CARMIL1: variants seen among roughly 807,000 people sequenced by gnomAD.
The protein encoded by CARMIL1 is capping protein regulator and myosin 1 linker 1.
A neutral mutation model predicts 177.1 loss-of-function variants in CARMIL1; 90 were observed. The observed-to-expected ratio is 0.51, with a 90% confidence interval of 0.43 to 0.61. CARMIL1 has a LOEUF of 0.61. Ranked by LOEUF, CARMIL1 falls within the 20% of genes least tolerant of loss-of-function variation. CARMIL1 has a pLI of 0.00. For missense variants in CARMIL1, 1,380 were observed against 1,667.0 expected (o/e 0.83, Z 3.00); for synonymous variants, 577 against 606.2 (o/e 0.95, Z 0.71).
chr6:25,316,932 T>A (rs542041668), intron 2 of CARMIL1, among the ~76,000 whole-genome samples: 1 of 152,300 alleles, frequency 6.6e-6, no homozygotes, highest in East Asian at 1.9e-4. Context: ...TACTTCTGTC[T>A]CAGAGCTGTC....
At chr6:25,383,827 A>G (rs1368293836) in intron 2 of CARMIL1, 1 of 152,134 alleles carries the variant, frequency 6.6e-6, no homozygotes. Flanking sequence ...CTTCCCATCT[A>G]CATTTTATTT....
rs180775231 is a variant in CARMIL1 at position 25,372,884 on chromosome 6, A to G, written c.139-47230A>G. On this transcript the variant is annotated intron_variant, in intron 2 of 36. Coordinates refer to ENST00000329474, the MANE Select transcript of CARMIL1 (RefSeq NM_017640.6). ...GTATGATGTTGGCTGTGAGTCTGTC[A>G]TACATGGCTTTTATTATTTTGAACT... Among the ~76,000 whole-genome samples, 30 of 152,320 alleles carry G rather than the reference A, an allele frequency of 2.0e-4. No individual in the cohort carries two copies. The East Asian group carries it at 5.8e-3, about 29-fold the overall frequency.
At chr6:25,583,311 G>T (rs532698321) in intron 31 of CARMIL1, among the ~76,000 whole-genome samples, 2 of 152,316 alleles carry the variant, frequency 1.3e-5, no homozygotes, top group East Asian at 3.9e-4. Flanking sequence ...TCACAGGCTG[G>T]TTGTGCACAG....
intron 33 of CARMIL1, among the ~76,000 whole-genome samples, chr6:25,603,908 A>G (rs959367782): frequency 1.3e-5 from 2 of 151,976 alleles, no homozygotes; most frequent in African/African-American, 4.8e-5. Flanking sequence ...CCACCTGCAG[A>G]TTTTTAAAAA....
intron 2 of CARMIL1, among the ~76,000 whole-genome samples, chr6:25,347,725 G>C (rs1026224213): frequency 1.3e-4 from 20 of 152,136 alleles, no homozygotes; most frequent in African/African-American, 4.8e-4. Context: ...GTAGTAAATG[G>C]ATTAAAACTG....
intron 3 of CARMIL1, among the ~76,000 whole-genome samples, chr6:25,425,890 C>G (rs1796239337): frequency 6.6e-6 from 1 of 152,024 alleles, no homozygotes; most frequent in Non-Finnish European, 1.5e-5. Context: ...ATTTATTTCT[C>G]TAAATCCATT....
intron 2 of CARMIL1, among the ~76,000 whole-genome samples, chr6:25,298,898 G>C (rs1782639180): frequency 6.6e-6 from 1 of 152,036 alleles, no homozygotes; most frequent in Non-Finnish European, 1.5e-5. Flanking sequence ...AGTATTACAG[G>C]TGTGTGCCAC....
chr6:25,294,296 T>C (rs17734132), intron 2 of CARMIL1, among the ~76,000 whole-genome samples: 3,608 of 152,178 alleles, frequency 0.024, 60 homozygotes, highest in Non-Finnish European at 0.038. Context: ...TTGACTGGGA[T>C]TAGTAGGTAT....
intron 4 of CARMIL1, among the ~76,000 whole-genome samples, chr6:25,431,865 T>G (rs746884274): frequency 6.6e-6 from 1 of 152,134 alleles, no homozygotes; most frequent in Non-Finnish European, 1.5e-5. Context: ...TCAATTTAAC[T>G]TTGACCCACA....
intron 8 of CARMIL1, among the ~76,000 whole-genome samples, chr6:25,460,130 A>C (rs1053037001): frequency 1.3e-5 from 2 of 152,262 alleles, no homozygotes; most frequent in Non-Finnish European, 2.9e-5. Context: ...CTGTCCTGCC[A>C]TAAACTCCAC....
chr6:25,441,318 A>T (rs983479580), intron 5 of CARMIL1, among the ~76,000 whole-genome samples: 3 of 36,376 alleles, frequency 8.2e-5, no homozygotes, highest in African/African-American at 2.3e-4. Flanking sequence ...CAAACAAACA[A>T]ACATATATAT....
chr6:25,459,269 T>TCTTTCTTTCTTTCTTTCTCTTTC (rs56094712), intron 8 of CARMIL1, among the ~76,000 whole-genome samples: 3 of 118,166 alleles, frequency 2.5e-5, no homozygotes, highest in African/African-American at 9.7e-5. Context: ...TTTCTTTCTT[T>TCTTTCTTTCTTTCTTTCTCTTTC]TTTTTTTTTT....
intron 29 of CARMIL1, among the ~76,000 whole-genome samples, chr6:25,566,672 C>T (rs1283495431): frequency 6.6e-6 from 1 of 152,168 alleles, no homozygotes; most frequent in African/African-American, 2.4e-5. Flanking sequence ...ACCACATATC[C>T]CCAGTATCTA....
At chr6:25,332,763 ACACACACACG>A (rs1424510668) in intron 2 of CARMIL1, among the ~76,000 whole-genome samples, 2 of 119,454 alleles carry the variant, frequency 1.7e-5, no homozygotes, top group African/African-American at 6.7e-5. Flanking sequence ...ACACACACAC[ACACACACACG>A]CGCACACACA....
At chr6:25,521,081 C>A (rs1382350084) in intron 23 of CARMIL1, among the ~76,000 whole-genome samples, 1 of 152,156 alleles carries the variant, frequency 6.6e-6, no homozygotes, top group Non-Finnish European at 1.5e-5. Flanking sequence ...CAAAAGACCA[C>A]CAAGATGGCT....
intron 11 of CARMIL1, chr6:25,479,301 T>C (rs1801876321): frequency 4.1e-6 from 2 of 490,342 alleles, no homozygotes; most frequent in East Asian, 1.1e-4. Context: ...CTTTTGCTTC[T>C]CTTTGTGGAG....
intron 2 of CARMIL1, among the ~76,000 whole-genome samples, chr6:25,417,154 C>T (rs187014909): frequency 6.6e-6 from 1 of 152,206 alleles, no homozygotes; most frequent in Admixed American, 6.5e-5. Context: ...GTGCTGGATG[C>T]ACTGTGGAGC....
chr6:25,587,089 A>G (rs1053187032), intron 31 of CARMIL1, among the ~76,000 whole-genome samples: 2 of 151,970 alleles, frequency 1.3e-5, no homozygotes, highest in Middle Eastern at 3.2e-3. Flanking sequence ...TTAAAAAAGG[A>G]AACTAGGCAC....
At chr6:25,306,423 T>C (rs75977213) in intron 2 of CARMIL1, among the ~76,000 whole-genome samples, 4,249 of 152,212 alleles carry the variant, frequency 0.028, 71 homozygotes, top group Non-Finnish European at 0.038. Flanking sequence ...ATGTAGGCTG[T>C]GTGCTCCATA....
Sources: gnomAD v4.1 joint callset for allele counts (sites outside exome capture counted in the v4.1 genomes callset) on GRCh38, gnomAD v4.1.1 for gene constraint, MANE v1.5 for transcripts, NCBI Gene and HGNC (gene_info 2026-07-23, HGNC 2026-07-21) for gene names.